The following TAFA1 variants were observed in gnomAD, a reference collection of about 807,000 sequenced individuals.
The protein encoded by TAFA1 is TAFA chemokine like family member 1, also known as chemokine-like protein TAFA-1.
In TAFA1, 4 loss-of-function variants were observed where a neutral mutation model predicts 18.5. That is an observed-to-expected ratio of 0.22 (90% confidence interval 0.11 to 0.49). The LOEUF is 0.49. Among genes scored for constraint, TAFA1 ranks in the 20% least tolerant of loss-of-function variants. The pLI, the probability that TAFA1 is intolerant of heterozygous loss-of-function variation, is 0.98. For synonymous variants in TAFA1, 56 were observed against 55.2 expected (o/e 1.01, Z -0.06); for missense variants, 147 against 169.0 (o/e 0.87, Z 0.72).
At chr3:68,101,272 T>A (rs1170520149) in intron 2 of TAFA1, among the ~76,000 whole-genome samples, 1 of 150,436 alleles carries the variant, frequency 6.6e-6, no homozygotes, top group East Asian at 1.9e-4. Context: ...TCTTTTTTTA[T>A]TTTTATTTTT....
intron 2 of TAFA1, among the ~76,000 whole-genome samples, chr3:68,313,589 A>C (rs1460342749): frequency 1.3e-5 from 2 of 152,234 alleles, no homozygotes; most frequent in African/African-American, 4.8e-5. Context: ...CTGATAAAAT[A>C]AGAAAAAAGT....
intron 2 of TAFA1, among the ~76,000 whole-genome samples, chr3:68,093,287 A>T (rs1216656960): frequency 6.6e-6 from 1 of 151,918 alleles, no homozygotes; most frequent in Non-Finnish European, 1.5e-5. Flanking sequence ...TGTTCTTCCC[A>T]CCTAGGCTTT....
chr3:68,131,595 C>A (rs1310886649), intron 2 of TAFA1, among the ~76,000 whole-genome samples: 1 of 152,232 alleles, frequency 6.6e-6, no homozygotes, highest in African/African-American at 2.4e-5. Context: ...GCTCTTACAT[C>A]CACAAAGAAT....
intron 2 of TAFA1, among the ~76,000 whole-genome samples, chr3:68,037,036 G>A (rs151184941): frequency 7.1e-4 from 108 of 152,256 alleles, no homozygotes; most frequent in African/African-American, 2.4e-3. Context: ...GCTATGTCAC[G>A]ATAATTGCAG....
intron 2 of TAFA1, among the ~76,000 whole-genome samples, chr3:68,086,511 TCA>T (rs2064971911): frequency 6.6e-6 from 1 of 152,250 alleles, no homozygotes. Flanking sequence ...CTTTGCATTT[TCA>T]CTTATTCTTA....
At chr3:68,240,826 A>AG (rs1491524293) in intron 2 of TAFA1, among the ~76,000 whole-genome samples, 1 of 152,172 alleles carries the variant, frequency 6.6e-6, no homozygotes, top group Non-Finnish European at 1.5e-5. Context: ...TTGTACTGTC[A>AG]GGGAATAAGC....
chr3:68,405,169 A>G (rs764078252), intron 2 of TAFA1, among the ~76,000 whole-genome samples: 13 of 152,136 alleles, frequency 8.5e-5, no homozygotes, highest in Non-Finnish European at 1.6e-4. Context: ...TGTAATCACC[A>G]CCCATGTTCG....
At chr3:68,038,616 C>T (rs1705101715) in intron 2 of TAFA1, among the ~76,000 whole-genome samples, 4 of 151,672 alleles carry the variant, frequency 2.6e-5, no homozygotes, top group Admixed American at 2.6e-4. Context: ...ATCTAGGGTT[C>T]AGGGTAGTCA....
At chr3:68,087,230 T>C (rs535626317) in intron 2 of TAFA1, among the ~76,000 whole-genome samples, 20 of 152,286 alleles carry the variant, frequency 1.3e-4, no homozygotes, top group Non-Finnish European at 2.2e-4. Flanking sequence ...GAGACAATAG[T>C]TGAAAATGCT....
At chr3:68,231,422 G>A (rs371868148) in intron 2 of TAFA1, among the ~76,000 whole-genome samples, 4 of 141,108 alleles carry the variant, frequency 2.8e-5, no homozygotes, top group South Asian at 2.3e-4. Context: ...CTGCAGTGGC[G>A]CAATCTCGGC....
chr3:68,455,656 A>G (rs182148107), intron 3 of TAFA1, among the ~76,000 whole-genome samples: 221 of 147,216 alleles, frequency 1.5e-3, no homozygotes, highest in Non-Finnish European at 2.4e-3. Context: ...TCATCCCCCA[A>G]TTTTTTTTTT....
chr3:68,253,671 G>A (rs531995664), intron 2 of TAFA1, among the ~76,000 whole-genome samples: 2 of 152,316 alleles, frequency 1.3e-5, no homozygotes, highest in Non-Finnish European at 2.9e-5. Flanking sequence ...GTAGTTGGCA[G>A]CAATGCTAGA....
chr3:68,146,771 G>A (rs1285145592), intron 2 of TAFA1, among the ~76,000 whole-genome samples: 1 of 152,086 alleles, frequency 6.6e-6, no homozygotes, highest in African/African-American at 2.4e-5. Context: ...GGTAAGCATA[G>A]GAAATTCTAA....
At chr3:68,212,057 A>T (rs72924510) in intron 2 of TAFA1, among the ~76,000 whole-genome samples, 19,767 of 152,004 alleles carry the variant, frequency 0.13, 1,465 homozygotes, top group African/African-American at 0.2. Context: ...GATGGAAAAT[A>T]AGTGGTAAGT....
At chr3:68,504,451 C>A (rs891685900) in intron 3 of TAFA1, among the ~76,000 whole-genome samples, 2 of 152,168 alleles carry the variant, frequency 1.3e-5, no homozygotes, top group African/African-American at 2.4e-5. Context: ...AGGGCTGATA[C>A]CATGATCCAA....
chr3:68,445,888 GTTGT>G (rs1176276167), intron 3 of TAFA1, among the ~76,000 whole-genome samples: 2 of 152,000 alleles, frequency 1.3e-5, no homozygotes, highest in Non-Finnish European at 2.9e-5. Flanking sequence ...TGTTGTTGTT[GTTGT>G]TTGTTTGTTA....
At chr3:68,003,383 T>G (rs1704305781), upstream of TAFA1, among the ~76,000 whole-genome samples, 1 of 152,216 alleles carries the variant, frequency 6.6e-6, no homozygotes. Flanking sequence ...CTACCTTGAT[T>G]TTGAAAACAC....
chr3:68,152,342 T>G (rs1051198297), intron 2 of TAFA1, among the ~76,000 whole-genome samples: 1 of 152,100 alleles, frequency 6.6e-6, no homozygotes, highest in African/African-American at 2.4e-5. Context: ...TTCCCAAACC[T>G]CCCAGACATC....
At chr3:68,245,702 C>T (rs931013305) in intron 2 of TAFA1, among the ~76,000 whole-genome samples, 1 of 152,182 alleles carries the variant, frequency 6.6e-6, no homozygotes, top group Non-Finnish European at 1.5e-5. Context: ...TGCCTTGCTT[C>T]CTCTACTGAT....
Sources: allele counts gnomAD v4.1 joint callset (sites outside exome capture counted in the v4.1 genomes callset), GRCh38; gene constraint gnomAD v4.1.1; transcripts MANE v1.5; gene names NCBI Gene and HGNC (gene_info 2026-07-23, HGNC 2026-07-21).